CYP3A43: variants seen among roughly 807,000 people sequenced by gnomAD.
CYP3A43 encodes cytochrome P450 3A43.
A neutral mutation model predicts 58.0 loss-of-function variants in CYP3A43; 45 were observed. That is an observed-to-expected ratio of 0.78 (90% CI 0.61 to 0.99). The LOEUF (loss-of-function observed/expected upper bound fraction) is 0.99. Ranked by LOEUF, CYP3A43 falls within the 50% of genes least tolerant of loss-of-function variation. The probability of loss-of-function intolerance (pLI) is 0.00; values close to 1 mark genes in which losing one functional copy is unlikely to be tolerated. For synonymous variants in CYP3A43, 191 were observed against 201.4 expected (o/e 0.95, Z 0.44); for missense variants, 593 against 591.9 (o/e 1.00, Z -0.02).
In CYP3A43 at chr7:99,866,013, G is replaced by A. The variant is rs185460170; in HGVS notation, c.*12G>A. On this transcript the variant is annotated 3_prime_UTR_variant, in exon 13 of 13. Coordinates refer to ENST00000354829, the MANE Select transcript of CYP3A43 (RefSeq NM_057095.3). ...CAAGTGGACCCTGACTTTCCCTAAG[G>A]ACTTCCACTTTGTTCAAGAAAGCTG... is the stretch of plus-strand genomic sequence containing the variant. 13 of 1,547,556 alleles carry A rather than the reference G, an allele frequency of 8.4e-6. No homozygotes were observed. Among genetic ancestry groups the A allele is most frequent in the Admixed American group, 1.8e-5 (1 of 55,000 alleles).
In CYP3A43 at chr7:99,863,759, A is replaced by G. The variant is rs997353418; in HGVS notation, c.1416+60A>G. On this transcript the variant is annotated intron_variant, in intron 12 of 12. Coordinates refer to ENST00000354829, the MANE Select transcript of CYP3A43 (RefSeq NM_057095.3). ...GAGTTTTTTAAACTGAGAAGTCTAC[A>G]TTTTTTAAAAATTATTGTTCATTTT... is the stretch of plus-strand genomic sequence containing the variant. The G allele has an allele frequency of 3.7e-6, 5 of 1,335,242 alleles. No homozygotes were observed. The South Asian group carries it at 7.1e-5, about 19-fold the overall frequency. The allele number at this position is 1,335,242 out of a possible 1,614,324, so 82.7% of individuals were successfully genotyped here. A position where few individuals can be genotyped will look rare whatever the true frequency, so the allele number is the denominator to read the frequency against.
intron 7 of CYP3A43, among the ~76,000 whole-genome samples, chr7:99,853,102 C>T (rs1470839988): frequency 1.3e-5 from 2 of 152,200 alleles, no homozygotes; most frequent in African/African-American, 4.8e-5. Context: ...GATGGTAATA[C>T]TGGCCTTATA....
intron 12 of CYP3A43, among the ~76,000 whole-genome samples, chr7:99,863,950 G>A (rs1427266939): frequency 6.7e-6 from 1 of 148,438 alleles, no homozygotes; most frequent in Non-Finnish European, 1.5e-5. Flanking sequence ...CAGTCTCTGT[G>A]AACTTGAGCA....
chr7:99,842,619 C>T (rs528825062), intron 3 of CYP3A43, among the ~76,000 whole-genome samples: 64 of 152,238 alleles, frequency 4.2e-4, no homozygotes, highest in African/African-American at 1.4e-3. Context: ...AAAAAGTTAT[C>T]TTGACTAAAT....
intron 9 of CYP3A43, 139 bp downstream of exon 9, chr7:99,857,038 A>G (rs1368424397): frequency 3.2e-5 from 35 of 1,078,514 alleles, no homozygotes; most frequent in Non-Finnish European, 4.7e-5. Flanking sequence ...GATGTTATAA[A>G]TGATAGCTGG....
chr7:99,835,662 T>G (rs759732962), intron 1 of CYP3A43, among the ~76,000 whole-genome samples: 3 of 152,232 alleles, frequency 2.0e-5, no homozygotes, highest in Non-Finnish European at 4.4e-5. Flanking sequence ...GTTTCTAACT[T>G]GGTTCCTGCA....
chr7:99,848,210 C>T lies in CYP3A43; in HGVS notation c.477C>T (p.Ser159=). The T allele has an allele frequency of 1.2e-6, 2 of 1,614,104 alleles. No homozygotes were observed. The highest frequency in any genetic ancestry group is 2.2e-5 in the East Asian group (1 of 44,886). Residue 159 remains serine, a synonymous_variant, in exon 6 of 13, where the codon AGC becomes AGT. Coordinates refer to ENST00000354829, the MANE Select transcript of CYP3A43 (RefSeq NM_057095.3). The part of the protein sequence containing the change: ...ISQCGDMLVR[S]LRQEAENSKS... ...AATGTGGAGATATGTTGGTGAGAAG[C>T]CTGAGGCAGGAAGCAGAGAACAGCA...
In CYP3A43 at chr7:99,849,612, C is replaced by T; in HGVS notation, c.588C>T (p.Leu196=). ...TATTTGGAGTGAACTTGGATTCTCT[C>T]AACAATCCACAAGATCCCTTTCTGA... is the stretch of plus-strand genomic sequence containing the variant. ...GTLFGVNLDS[L]NNPQDPFLKN... The change falls in exon 7 of 13, where the codon CTC becomes CTT. Residue 196 remains leucine, a synonymous_variant. Coordinates refer to ENST00000354829, the MANE Select transcript of CYP3A43 (RefSeq NM_057095.3). The T allele has an allele frequency of 6.2e-7, 1 of 1,613,414 alleles. No homozygotes were observed. Among genetic ancestry groups the T allele is most frequent in the South Asian group, 1.1e-5 (1 of 90,786 alleles).
intron 4 of CYP3A43, among the ~76,000 whole-genome samples, chr7:99,845,142 G>A (rs1348444724): frequency 2.0e-5 from 3 of 150,768 alleles, no homozygotes; most frequent in South Asian, 4.2e-4. Context: ...TTAATTTTTT[G>A]TCTTAATTTT....
In CYP3A43 at chr7:99,866,019, C is replaced by T. The variant is rs551738182; in HGVS notation, c.*18C>T. The stretch of plus-strand genomic sequence containing the variant: ...GACCCTGACTTTCCCTAAGGACTTC[C>T]ACTTTGTTCAAGAAAGCTGTATCCC... On this transcript the variant is annotated 3_prime_UTR_variant, in exon 13 of 13. Coordinates refer to ENST00000354829, the MANE Select transcript of CYP3A43 (RefSeq NM_057095.3). 6.6e-7 allele frequency: 1 copy of T among 1,518,190 alleles called. No individual in the cohort carries two copies. The highest frequency in any genetic ancestry group is 1.2e-5 in the South Asian group (1 of 81,536). 94.0% of individuals were successfully genotyped at this position (1,518,190 alleles called of 1,614,324 possible). A position where few individuals can be genotyped will look rare whatever the true frequency, so the allele number is the denominator to read the frequency against.
At chr7:99,856,938 A>C in intron 9 of CYP3A43, 39 bp downstream of exon 9, 3 of 1,583,058 alleles carry the variant, frequency 1.9e-6, no homozygotes, top group Non-Finnish European at 2.6e-6. Context: ...TGATGGGGAC[A>C]CTCAGAGAGA....
intron 1 of CYP3A43, among the ~76,000 whole-genome samples, chr7:99,829,826 C>T (rs182486067): frequency 2.6e-5 from 4 of 152,316 alleles, no homozygotes; most frequent in African/African-American, 7.2e-5. Flanking sequence ...AGCTGTTTAA[C>T]TGGATTGACA....
chr7:99,839,737 C>T (rs1032341151), intron 3 of CYP3A43, among the ~76,000 whole-genome samples: 1 of 152,078 alleles, frequency 6.6e-6, no homozygotes, highest in East Asian at 1.9e-4. Context: ...TTCTGACCTG[C>T]GGTAAAGTGC....
intron 7 of CYP3A43, among the ~76,000 whole-genome samples, chr7:99,853,846 G>C (rs146935349): frequency 6.6e-6 from 1 of 152,150 alleles, no homozygotes; most frequent in Non-Finnish European, 1.5e-5. Context: ...GTGAGCCACC[G>C]CGCCCAGCCT....
At chr7:99,839,307 A>G in intron 3 of CYP3A43, 135 bp downstream of exon 3, 1 of 1,058,150 alleles carries the variant, frequency 9.5e-7, no homozygotes, top group Non-Finnish European at 1.4e-6. Context: ...GAGAGAGGCT[A>G]TCTAAAAGAA....
At position 99,848,332 on chromosome 7, in the gene CYP3A43, T is replaced by C. The variant is rs534604656; in HGVS notation, c.521+78T>C. On this transcript the variant is annotated intron_variant, in intron 6 of 12. Transcript: ENST00000354829. The stretch of plus-strand genomic sequence containing the variant: ...TGCAGTGGAGCTGATATTCCCACTG[T>C]TGGGTTACTCCAGTGATCGGACAAA... The C allele has an allele frequency of 4.3e-5, 62 of 1,452,184 alleles. No individual in the cohort carries two copies. In the Middle Eastern group the frequency reaches 8.7e-4, roughly 20 times the overall value. 90.0% of individuals were successfully genotyped at this position (1,452,184 alleles called of 1,614,324 possible).
At chr7:99,853,214 C>A (rs562954441) in intron 7 of CYP3A43, among the ~76,000 whole-genome samples, 1 of 152,142 alleles carries the variant, frequency 6.6e-6, no homozygotes, top group Non-Finnish European at 1.5e-5. Flanking sequence ...ATTATTGGAA[C>A]TATCTGGCCT....
chr7:99,860,045 G>A, intron 10 of CYP3A43, 55 bp downstream of exon 10: 1 of 1,528,804 alleles, frequency 6.5e-7, no homozygotes, highest in African/African-American at 1.4e-5. Context: ...CAGCAAGAAT[G>A]CCTCCTCACC....
intron 7 of CYP3A43, among the ~76,000 whole-genome samples, chr7:99,850,464 G>A (rs1016707991): frequency 6.6e-6 from 1 of 152,196 alleles, no homozygotes; most frequent in African/African-American, 2.4e-5. Flanking sequence ...GTTTCTCCAT[G>A]TTGGCCAGGA....
Sources: gnomAD v4.1 joint callset for allele counts (sites outside exome capture counted in the v4.1 genomes callset) on GRCh38, gnomAD v4.1.1 for gene constraint, MANE v1.5 for transcripts, NCBI Gene and HGNC (gene_info 2026-07-23, HGNC 2026-07-21) for gene names.